INPP4B: variants seen among roughly 807,000 people sequenced by gnomAD.
The protein encoded by INPP4B is inositol polyphosphate-4-phosphatase type II B, also known as inositol polyphosphate 4-phosphatase type II.
A neutral mutation model predicts 122.5 loss-of-function variants in INPP4B; 55 were observed. The ratio of observed to expected loss-of-function variants is 0.45; its 90% CI spans 0.36 to 0.56. The LOEUF (loss-of-function observed/expected upper bound fraction) is 0.56, where lower values mean the gene tolerates loss of function less well. Ranked by LOEUF, INPP4B falls within the 20% of genes least tolerant of loss-of-function variation. INPP4B has a pLI of 0.00. For synonymous variants in INPP4B, 403 were observed against 388.7 expected (o/e 1.04, Z -0.43); for missense variants, 1,000 against 1,097.7 (o/e 0.91, Z 1.26).
intron 17 of INPP4B, among the ~76,000 whole-genome samples, chr4:142,151,324 C>A (rs1813794786): frequency 6.6e-6 from 1 of 152,150 alleles, no homozygotes; most frequent in African/African-American, 2.4e-5. Flanking sequence ...AACACACACA[C>A]ACATTCACTA....
chr4:142,467,619 G>T (rs1818039532), intron 2 of INPP4B, among the ~76,000 whole-genome samples: 1 of 152,022 alleles, frequency 6.6e-6, no homozygotes, highest in Non-Finnish European at 1.5e-5. Context: ...TTAGACTTGG[G>T]ACTTCTGAAT....
chr4:142,090,706 CT>C, intron 23 of INPP4B, among the ~76,000 whole-genome samples: 1 of 149,532 alleles, frequency 6.7e-6, no homozygotes, highest in Admixed American at 6.7e-5. Flanking sequence ...TAATAGTATT[CT>C]TTTTTTTTTC....
chr4:142,725,798 T>A (rs1333435529), intron 2 of INPP4B, 41 bp downstream of exon 2: 1 of 396,194 alleles, frequency 2.5e-6, no homozygotes, highest in African/African-American at 2.1e-5. Flanking sequence ...TCATGTAGAG[T>A]TATACAGAAT....
intron 2 of INPP4B, among the ~76,000 whole-genome samples, chr4:142,611,817 C>A (rs895471527): frequency 6.6e-6 from 1 of 151,114 alleles, no homozygotes; most frequent in Admixed American, 6.6e-5. Context: ...TACAGGTGCA[C>A]GCCACCATGC....
At chr4:142,271,003 G>T (rs2150573974) in intron 9 of INPP4B, among the ~76,000 whole-genome samples, 1 of 151,000 alleles carries the variant, frequency 6.6e-6, no homozygotes, top group African/African-American at 2.4e-5. Context: ...TGCTCTTGTT[G>T]CCCAGGCTGG....
chr4:142,105,917 T>A (rs1786843226), intron 23 of INPP4B, among the ~76,000 whole-genome samples: 1 of 152,212 alleles, frequency 6.6e-6, no homozygotes. Context: ...CTCATACTCT[T>A]ATAAAAGCTT....
intron 1 of INPP4B, among the ~76,000 whole-genome samples, chr4:142,841,049 A>C (rs34818490): frequency 2.2e-4 from 33 of 152,092 alleles, no homozygotes; most frequent in Non-Finnish European, 4.3e-4. Flanking sequence ...TTTTTTAAAA[A>C]AAAGTGATTT....
intron 12 of INPP4B, among the ~76,000 whole-genome samples, chr4:142,227,839 C>T (rs1214217577): frequency 3.9e-5 from 4 of 102,744 alleles, no homozygotes; most frequent in Admixed American, 1.6e-4. Flanking sequence ...GCCTGGGCAA[C>T]AGAGGGAGAC....
At chr4:142,670,526 T>C (rs1756843360) in intron 2 of INPP4B, among the ~76,000 whole-genome samples, 1 of 152,088 alleles carries the variant, frequency 6.6e-6, no homozygotes, top group African/African-American at 2.4e-5. Flanking sequence ...GGAAATTATG[T>C]TAAGTGAAAT....
chr4:142,354,821 T>C (rs1000339246), intron 7 of INPP4B, among the ~76,000 whole-genome samples: 1 of 152,046 alleles, frequency 6.6e-6, no homozygotes, highest in Non-Finnish European at 1.5e-5. Flanking sequence ...TAAATATACC[T>C]AACTAACATA....
intron 2 of INPP4B, among the ~76,000 whole-genome samples, chr4:142,716,079 T>C (rs1209101288): frequency 1.3e-5 from 2 of 152,062 alleles, no homozygotes; most frequent in African/African-American, 2.4e-5. Context: ...CATTTGGAGA[T>C]CACATAGCAT....
chr4:142,785,766 G>T (rs1488937562), intron 1 of INPP4B, among the ~76,000 whole-genome samples: 1 of 151,908 alleles, frequency 6.6e-6, no homozygotes, highest in African/African-American at 2.4e-5. Flanking sequence ...GTACCAAGGG[G>T]GAAGAACTGT....
chr4:142,064,145 C>T (rs28662238), intron 25 of INPP4B, among the ~76,000 whole-genome samples: 3,890 of 152,230 alleles, frequency 0.026, 183 homozygotes, highest in African/African-American at 0.089. Flanking sequence ...CTTGCTACAA[C>T]ATTGTTGTAC....
intron 25 of INPP4B, among the ~76,000 whole-genome samples, chr4:142,066,870 T>G (rs1469781378): frequency 6.6e-6 from 1 of 152,234 alleles, no homozygotes; most frequent in Non-Finnish European, 1.5e-5. Flanking sequence ...GAGGCCTGCC[T>G]GTCTCTGCAG....
At chr4:142,254,828 C>T (rs1226338566) in intron 11 of INPP4B, among the ~76,000 whole-genome samples, 5 of 152,200 alleles carry the variant, frequency 3.3e-5, no homozygotes, top group South Asian at 4.1e-4. Context: ...GGCAGGCCAA[C>T]ATTCAGATTC....
chr4:142,737,025 G>A (rs1767029909), intron 1 of INPP4B, among the ~76,000 whole-genome samples: 1 of 152,126 alleles, frequency 6.6e-6, no homozygotes. Flanking sequence ...TCATGAAAAT[G>A]GCCATACCGC....
At chr4:142,205,896 A>G (rs749190626) in intron 14 of INPP4B, among the ~76,000 whole-genome samples, 87 of 152,142 alleles carry the variant, frequency 5.7e-4, no homozygotes, top group Non-Finnish European at 1.0e-3. Context: ...GTTCTATTCA[A>G]GCTATTGACA....
chr4:142,764,628 T>C (rs750010147), intron 1 of INPP4B, among the ~76,000 whole-genome samples: 2 of 152,112 alleles, frequency 1.3e-5, no homozygotes, highest in African/African-American at 2.4e-5. Context: ...CCTCCAGAGA[T>C]ATTTCTGAGA....
At chr4:142,146,251 T>C (rs938242297) in intron 17 of INPP4B, among the ~76,000 whole-genome samples, 1 of 152,162 alleles carries the variant, frequency 6.6e-6, no homozygotes, top group African/African-American at 2.4e-5. Flanking sequence ...ATGATGACCA[T>C]CATACAATAT....
Sources: gnomAD v4.1 joint callset for allele counts (sites outside exome capture counted in the v4.1 genomes callset) on GRCh38, gnomAD v4.1.1 for gene constraint, MANE v1.5 for transcripts, NCBI Gene and HGNC (gene_info 2026-07-23, HGNC 2026-07-21) for gene names.